The following ANKS1B variants were observed in gnomAD, a reference collection of about 807,000 sequenced individuals.
ANKS1B encodes the protein ankyrin repeat and sterile alpha motif domain-containing protein 1B.
A neutral mutation model predicts 148.3 loss-of-function variants in ANKS1B; 36 were observed. That is an observed-to-expected ratio of 0.24 (90% confidence interval 0.19 to 0.32). The LOEUF (loss-of-function observed/expected upper bound fraction) is 0.32, where lower values mean the gene tolerates loss of function less well. Ranked by LOEUF, ANKS1B falls within the 10% of genes least tolerant of loss-of-function variation. The pLI is 1.00. For missense variants in ANKS1B, 1,157 were observed against 1,542.6 expected (o/e 0.75, Z 4.19); for synonymous variants, 542 against 560.8 (o/e 0.97, Z 0.47).
chr12:98,924,695 T>A lies in ANKS1B; in HGVS notation c.2779-92559A>T, dbSNP rs150859276. On this transcript the variant is annotated intron_variant, in intron 17 of 26. Transcript: ENST00000683438. Reference sequence around the variant, plus strand: ...CTAATTCTTAGATGGTCTTATGGTGTCAGAAGAAAATTTCCTTCTGTCAGA... The same window carrying A: ...CTAATTCTTAGATGGTCTTATGGTGACAGAAGAAAATTTCCTTCTGTCAGA... Among the ~76,000 whole-genome samples the A allele has an allele frequency of 4.3e-3, 661 of 152,314 alleles. 4 individuals are homozygous for A. The highest frequency in any genetic ancestry group is 4.1e-3 in the Non-Finnish European group (279 of 68,024).
intron 11 of ANKS1B, among the ~76,000 whole-genome samples, chr12:99,419,824 G>A (rs1339106577): frequency 1.3e-5 from 2 of 151,958 alleles, no homozygotes; most frequent in South Asian, 4.2e-4. Context: ...ACACACCACC[G>A]TGTCCAACTA....
chr12:99,629,054 C>T (rs1384454913), intron 9 of ANKS1B, among the ~76,000 whole-genome samples: 1 of 152,124 alleles, frequency 6.6e-6, no homozygotes, highest in Non-Finnish European at 1.5e-5. Context: ...CTTATTGAAA[C>T]ACAGCTATGT....
At chr12:99,516,324 T>C (rs922844151) in intron 9 of ANKS1B, among the ~76,000 whole-genome samples, 3 of 152,160 alleles carry the variant, frequency 2.0e-5, no homozygotes, top group Non-Finnish European at 4.4e-5. Flanking sequence ...TCATTTGATA[T>C]TTGTATATGG....
At chr12:99,178,214 G>A (rs573391594) in intron 14 of ANKS1B, among the ~76,000 whole-genome samples, 3 of 152,216 alleles carry the variant, frequency 2.0e-5, no homozygotes, top group East Asian at 3.9e-4. Flanking sequence ...GGCTTTCTGT[G>A]GCATAGACAA....
intron 1 of ANKS1B, among the ~76,000 whole-genome samples, chr12:99,983,285 G>C (rs994150027): frequency 6.6e-6 from 1 of 152,062 alleles, no homozygotes; most frequent in African/African-American, 2.4e-5. Context: ...ACTTTTAATA[G>C]TTTCTCAAGT....
chr12:99,659,526 A>G (rs1366747975), intron 8 of ANKS1B, among the ~76,000 whole-genome samples: 1 of 152,162 alleles, frequency 6.6e-6, no homozygotes, highest in Non-Finnish European at 1.5e-5. Context: ...TCACAATAAT[A>G]TACTGTAGGG....
intron 8 of ANKS1B, among the ~76,000 whole-genome samples, chr12:99,733,832 C>A (rs1021591830): frequency 5.9e-5 from 9 of 152,204 alleles, no homozygotes; most frequent in Non-Finnish European, 1.5e-5. Flanking sequence ...TTCCACCTAA[C>A]CTGCCCATCT....
chr12:99,603,875 T>A (rs1034830573), intron 9 of ANKS1B, among the ~76,000 whole-genome samples: 2 of 152,118 alleles, frequency 1.3e-5, no homozygotes, highest in Admixed American at 6.6e-5. Context: ...TCTTATTATG[T>A]TTGATCTTGG....
chr12:98,880,479 G>C (rs928236538), intron 17 of ANKS1B, among the ~76,000 whole-genome samples: 1 of 152,132 alleles, frequency 6.6e-6, no homozygotes, highest in African/African-American at 2.4e-5. Context: ...AGATGGGTAG[G>C]TTTCTGGCCG....
intron 9 of ANKS1B, among the ~76,000 whole-genome samples, chr12:99,617,446 T>C (rs1202406905): frequency 1.3e-5 from 2 of 152,172 alleles, no homozygotes; most frequent in Non-Finnish European, 2.9e-5. Flanking sequence ...CACCATGGAA[T>C]ACTATGCAGC....
At chr12:98,909,675 C>T (rs1291780560) in intron 17 of ANKS1B, among the ~76,000 whole-genome samples, 1 of 152,190 alleles carries the variant, frequency 6.6e-6, no homozygotes, top group East Asian at 1.9e-4. Flanking sequence ...TAGCATAACT[C>T]GTTATCCCTT....
chr12:99,177,023 AT>A (rs950584988), intron 14 of ANKS1B, among the ~76,000 whole-genome samples: 1 of 152,112 alleles, frequency 6.6e-6, no homozygotes, highest in Non-Finnish European at 1.5e-5. Context: ...GTCCAAAATC[AT>A]TTTTTTCACA....
At chr12:99,767,079 C>A (rs1660066721) in intron 8 of ANKS1B, among the ~76,000 whole-genome samples, 2 of 151,910 alleles carry the variant, frequency 1.3e-5, no homozygotes, top group Admixed American at 1.3e-4. Context: ...AGAGTATTCT[C>A]AAGAATAGCT....
intron 8 of ANKS1B, among the ~76,000 whole-genome samples, chr12:99,700,627 C>T (rs909448809): frequency 6.6e-6 from 1 of 152,100 alleles, no homozygotes; most frequent in African/African-American, 2.4e-5. Context: ...CACCTTTTCA[C>T]TTAAAGCACT....
chr12:99,653,370 T>C (rs2098434418), intron 9 of ANKS1B, among the ~76,000 whole-genome samples: 1 of 152,192 alleles, frequency 6.6e-6, no homozygotes, highest in Admixed American at 6.5e-5. Flanking sequence ...AATGTATTTT[T>C]ACAAATGCAG....
intron 12 of ANKS1B, among the ~76,000 whole-genome samples, chr12:99,269,250 T>C (rs1323204819): frequency 6.6e-6 from 1 of 152,230 alleles, no homozygotes; most frequent in Admixed American, 6.5e-5. Flanking sequence ...GCAAATACAT[T>C]TTTTTATTTT....
intron 12 of ANKS1B, among the ~76,000 whole-genome samples, chr12:99,351,432 CT>C (rs572539881): frequency 3.3e-4 from 48 of 146,518 alleles, no homozygotes; most frequent in East Asian, 1.4e-3. Flanking sequence ...TAGTTTTTAA[CT>C]TTTTTTTTTT....
intron 1 of ANKS1B, among the ~76,000 whole-genome samples, chr12:99,878,414 A>G: frequency 6.6e-6 from 1 of 152,230 alleles, no homozygotes; most frequent in African/African-American, 2.4e-5. Flanking sequence ...GGAATATGAG[A>G]TAACATTACA....
At chr12:99,846,716 AC>A (rs1294281306) in intron 1 of ANKS1B, among the ~76,000 whole-genome samples, 1 of 152,174 alleles carries the variant, frequency 6.6e-6, no homozygotes, top group Non-Finnish European at 1.5e-5. Flanking sequence ...GAATTTACAA[AC>A]ATAGTGCCAT....
Sources: allele counts gnomAD v4.1 joint callset (sites outside exome capture counted in the v4.1 genomes callset), GRCh38; gene constraint gnomAD v4.1.1; transcripts MANE v1.5; gene names NCBI Gene and HGNC (gene_info 2026-07-23, HGNC 2026-07-21).